Variants in DLGAP2 observed in about 807,000 individuals in gnomAD.
DLGAP2 encodes the protein disks large-associated protein 2.
DLGAP2 carries 26 observed loss-of-function variants against 100.3 expected under a neutral mutation model. The ratio of observed to expected loss-of-function variants is 0.26; its 90% confidence interval spans 0.19 to 0.36. The LOEUF is 0.36. DLGAP2 is among the 10% of genes least tolerant of loss of function. The pLI is 1.00. For synonymous variants in DLGAP2, 886 were observed against 630.1 expected (o/e 1.41, Z -6.08); for missense variants, 1,858 against 1,453.2 (o/e 1.28, Z -4.53).
intron 3 of DLGAP2, among the ~76,000 whole-genome samples, chr8:1,426,333 C>T (rs1169795385): frequency 6.6e-6 from 1 of 152,162 alleles, no homozygotes; most frequent in Non-Finnish European, 1.5e-5. Context: ...TAGATCTGCT[C>T]AAAGTCCATC....
Position 1,508,971 on chromosome 8 carries a change from T to C in DLGAP2, c.172+7540T>C, listed in dbSNP as rs180772327. ...TAAACCATGGGCTGCAACTCATTAA[T>C]GACCCGTGAATTCAAGTTACTGGTC... On this transcript the variant is annotated intron_variant, in intron 4 of 14. Transcript: ENST00000637795. Among the ~76,000 whole-genome samples, 278 of 152,278 alleles carry C rather than the reference T, an allele frequency of 1.8e-3. 1 individual carries two copies. Among genetic ancestry groups the C allele is most frequent in the African/African-American group, 6.4e-3 (266 of 41,564 alleles).
intron 2 of DLGAP2, among the ~76,000 whole-genome samples, chr8:1,136,298 CG>C (rs1179425955): frequency 2.3e-5 from 3 of 132,572 alleles, no homozygotes; most frequent in Non-Finnish European, 3.4e-5. Flanking sequence ...CTTCAAACCT[CG>C]TAAAAAAAAA....
At chr8:786,123 T>C (rs1366135346) in intron 1 of DLGAP2, among the ~76,000 whole-genome samples, 2 of 152,186 alleles carry the variant, frequency 1.3e-5, no homozygotes, top group African/African-American at 2.4e-5. Context: ...TGCCTGAGCT[T>C]AGCTCAGCTG....
intron 2 of DLGAP2, among the ~76,000 whole-genome samples, chr8:1,039,234 T>C (rs1802224724): frequency 6.6e-6 from 1 of 151,170 alleles, no homozygotes; most frequent in South Asian, 2.1e-4. Flanking sequence ...GTTTCCGTGG[T>C]CAGCTCGGTG....
intron 3 of DLGAP2, among the ~76,000 whole-genome samples, chr8:1,289,432 C>CT (rs747858094): frequency 5.3e-5 from 8 of 152,162 alleles, no homozygotes; most frequent in Non-Finnish European, 1.0e-4. Context: ...CATGCCCTGT[C>CT]TATTTTGCGG....
At chr8:923,814 ATAAT>A (rs1798762102) in intron 2 of DLGAP2, among the ~76,000 whole-genome samples, 1 of 152,220 alleles carries the variant, frequency 6.6e-6, no homozygotes, top group African/African-American at 2.4e-5. Flanking sequence ...GGCTTTTAAA[ATAAT>A]TAAACAATCA....
intron 2 of DLGAP2, among the ~76,000 whole-genome samples, chr8:1,071,995 C>T (rs960807469): frequency 1.3e-5 from 2 of 152,254 alleles, no homozygotes; most frequent in Non-Finnish European, 1.5e-5. Flanking sequence ...GGACATTGGC[C>T]GGCCAGCGCT....
chr8:1,668,629 C>G lies in DLGAP2; in HGVS notation c.2111C>G (p.Ser704Cys). ...VRTSDKAILV[S>C]KAEELLKSRC... is the part of the protein sequence containing the mutation. ...ACCAGCGACAAGGCCATCCTGGTGT[C>G]CAAGGCGGAGGAGCTCCTCAAGAGC... is the stretch of plus-strand genomic sequence containing the variant. The change falls in exon 9 of 15, where the codon TCC becomes TGC. Residue 704 changes from serine (S) to cysteine (C), a missense_variant. By Grantham distance (112) the Ser-to-Cys change is moderately radical. Coordinates refer to ENST00000637795, the MANE Select transcript of DLGAP2 (RefSeq NM_001346810.2). 1 of 1,597,048 alleles carries G rather than the reference C, an allele frequency of 6.3e-7. No homozygotes were observed. The highest frequency in any genetic ancestry group is 8.5e-7 in the Non-Finnish European group (1 of 1,172,454).
intron 1 of DLGAP2, among the ~76,000 whole-genome samples, chr8:818,272 G>T (rs1454705384): frequency 6.6e-6 from 1 of 152,152 alleles, no homozygotes; most frequent in Non-Finnish European, 1.5e-5. Flanking sequence ...GGTCGCTAGG[G>T]AAGTGGGGGA....
At chr8:1,353,160 G>C (rs988846122) in intron 3 of DLGAP2, among the ~76,000 whole-genome samples, 1 of 152,196 alleles carries the variant, frequency 6.6e-6, no homozygotes, top group African/African-American at 2.4e-5. Flanking sequence ...ACACCCACGT[G>C]TGCTGTTGAT....
intron 2 of DLGAP2, among the ~76,000 whole-genome samples, chr8:974,796 G>C (rs376629447): frequency 5.9e-5 from 9 of 152,230 alleles, no homozygotes; most frequent in East Asian, 3.9e-4. Flanking sequence ...TTTAGAAATG[G>C]AGTAAGATCC....
Position 1,505,833 on chromosome 8 carries a change from G to A in DLGAP2, c.172+4402G>A, listed in dbSNP as rs188544268. On this transcript the variant is annotated intron_variant, in intron 4 of 14. Coordinates refer to ENST00000637795, the MANE Select transcript of DLGAP2 (RefSeq NM_001346810.2). ...ATGGCATTTTTTCATTTTCCCGAAT[G>A]TTATATTTAAATCAGCTGTAAAGAG... 1.3e-4 allele frequency among the ~76,000 whole-genome samples: 20 copies of A among 152,152 alleles called. No individual in the cohort carries two copies. The East Asian group carries it at 3.5e-3, about 26-fold the overall frequency.
chr8:1,694,655 A>G (rs1335557296), intron 13 of DLGAP2, among the ~76,000 whole-genome samples: 3 of 151,750 alleles, frequency 2.0e-5, no homozygotes, highest in Non-Finnish European at 4.4e-5. Flanking sequence ...ACTCCATCCA[A>G]CCCCGGGGGG....
Position 1,472,671 on chromosome 8 carries a change from G to C in DLGAP2, c.107-28695G>C, listed in dbSNP as rs1384328917. ...CTCAGCAGGTATTTTCTACAGATGA[G>C]GCAAGGGGTGCAGCTGCCAGCCAGC... On this transcript the variant is annotated intron_variant, in intron 3 of 14. Transcript: ENST00000637795. Among the ~76,000 whole-genome samples, 7 of 152,270 alleles carry C rather than the reference G, an allele frequency of 4.6e-5. 1 individual carries two copies. The East Asian group carries it at 1.4e-3, about 29-fold the overall frequency.
chr8:1,691,819 G>C (rs1227863785), intron 13 of DLGAP2, among the ~76,000 whole-genome samples, 193 bp downstream of exon 13: 3 of 151,154 alleles, frequency 2.0e-5, no homozygotes, highest in Non-Finnish European at 4.4e-5. Context: ...CGGTACCGAG[G>C]CAGGGAGGCG....
chr8:808,134 C>T lies in DLGAP2; in HGVS notation c.18+70309C>T, dbSNP rs535268073. ...TGTGACACCTGCCTCACAGGGTCGTCGGCACGTGGGTCTTCGGCTTTCTGT... is the reference window on the plus strand; with the variant it reads ...TGTGACACCTGCCTCACAGGGTCGTTGGCACGTGGGTCTTCGGCTTTCTGT... On this transcript the variant is annotated intron_variant, in intron 1 of 14. Coordinates refer to ENST00000637795, the MANE Select transcript of DLGAP2 (RefSeq NM_001346810.2). 2.5e-3 allele frequency among the ~76,000 whole-genome samples: 381 copies of T among 152,250 alleles called. 3 individuals are homozygous for T. The highest frequency in any genetic ancestry group is 8.7e-3 in the African/African-American group (361 of 41,550).
intron 3 of DLGAP2, among the ~76,000 whole-genome samples, chr8:1,409,394 T>C (rs1245310960): frequency 1.3e-5 from 2 of 152,244 alleles, no homozygotes; most frequent in South Asian, 2.1e-4. Flanking sequence ...TCCTTGGCAG[T>C]CCTGGTGCTG....
intron 12 of DLGAP2, among the ~76,000 whole-genome samples, chr8:1,682,462 A>ATCTT (rs938462961): frequency 1.5e-4 from 23 of 148,640 alleles, no homozygotes; most frequent in African/African-American, 5.8e-4. Context: ...AGATTCCAAA[A>ATCTT]TCTTAGGATA....
chr8:1,448,209 C>G (rs982530048), intron 3 of DLGAP2, among the ~76,000 whole-genome samples: 1 of 152,004 alleles, frequency 6.6e-6, no homozygotes, highest in African/African-American at 2.4e-5. Flanking sequence ...TTCCTGCTTT[C>G]TTTTGTGGGC....
Sources: allele counts gnomAD v4.1 joint callset (sites outside exome capture counted in the v4.1 genomes callset), GRCh38; gene constraint gnomAD v4.1.1; transcripts MANE v1.5; gene names NCBI Gene and HGNC (gene_info 2026-07-23, HGNC 2026-07-21).